The following THSD7B variants were observed in gnomAD, a reference collection of about 807,000 sequenced individuals.
THSD7B encodes the protein thrombospondin type 1 domain containing 7B, also known as thrombospondin type-1 domain-containing protein 7B.
In THSD7B, 138 loss-of-function variants were observed where a neutral mutation model predicts 213.6. That is an observed-to-expected ratio of 0.65 (90% confidence interval 0.56 to 0.74). The LOEUF (loss-of-function observed/expected upper bound fraction) is 0.74. Ranked by LOEUF, THSD7B falls within the 30% of genes least tolerant of loss-of-function variation. The pLI, the probability that THSD7B is intolerant of heterozygous loss-of-function variation, is 0.00. For synonymous variants in THSD7B, 742 were observed against 687.0 expected, an observed-to-expected ratio of 1.08 and a Z score of -1.25; for missense variants, 1,931 against 1,991.5, an observed-to-expected ratio of 0.97 and a Z score of 0.58.
chr2:137,353,688 A>G (rs1371598043), intron 12 of THSD7B, among the ~76,000 whole-genome samples: 2 of 152,112 alleles, frequency 1.3e-5, no homozygotes, highest in African/African-American at 4.8e-5. Context: ...TCAATTTTCT[A>G]GACAAGATCT....
intron 2 of THSD7B, among the ~76,000 whole-genome samples, chr2:136,885,898 C>T (rs1336246750): frequency 6.6e-6 from 1 of 152,048 alleles, no homozygotes; most frequent in African/African-American, 2.4e-5. Context: ...GAGGGATATG[C>T]AGTGGGAGCA....
At chr2:137,618,721 A>G (rs535039544) in intron 19 of THSD7B, among the ~76,000 whole-genome samples, 1 of 152,178 alleles carries the variant, frequency 6.6e-6, no homozygotes, top group African/African-American at 2.4e-5. Flanking sequence ...TAGTGGAGAA[A>G]TGGGTTCATT....
chr2:136,831,557 C>T (rs1682755923), intron 1 of THSD7B, among the ~76,000 whole-genome samples: 1 of 152,120 alleles, frequency 6.6e-6, no homozygotes, highest in Admixed American at 6.5e-5. Context: ...GAGGTATTCT[C>T]CAAAATGCAC....
intron 1 of THSD7B, among the ~76,000 whole-genome samples, chr2:136,878,192 T>C (rs935879858): frequency 2.6e-5 from 4 of 152,214 alleles, no homozygotes; most frequent in African/African-American, 7.2e-5. Flanking sequence ...GTCCTTGCAA[T>C]AGTTTGCTGA....
chr2:137,668,285 C>T (rs1437788399), intron 27 of THSD7B, among the ~76,000 whole-genome samples: 1 of 151,898 alleles, frequency 6.6e-6, no homozygotes, highest in Non-Finnish European at 1.5e-5. Flanking sequence ...AGAAAATTAC[C>T]ATAGATTATT....
At chr2:136,770,015 C>T (rs1681476474) in intron 1 of THSD7B, among the ~76,000 whole-genome samples, 1 of 152,182 alleles carries the variant, frequency 6.6e-6, no homozygotes, top group South Asian at 2.1e-4. Context: ...AATGCCTTGA[C>T]TTGGAAGAAA....
At chr2:137,076,195 C>G (rs1385853270) in intron 3 of THSD7B, among the ~76,000 whole-genome samples, 1 of 152,192 alleles carries the variant, frequency 6.6e-6, no homozygotes, top group Non-Finnish European at 1.5e-5. Flanking sequence ...GTGGAGCCTA[C>G]AGAGGCAGGC....
chr2:137,634,494 A>G (rs750661003), intron 20 of THSD7B, among the ~76,000 whole-genome samples: 1 of 152,200 alleles, frequency 6.6e-6, no homozygotes, highest in East Asian at 1.9e-4. Context: ...TTCTTCGACA[A>G]TCTCTCTATT....
At chr2:137,453,209 G>A (rs1409476556) in intron 15 of THSD7B, among the ~76,000 whole-genome samples, 2 of 151,916 alleles carry the variant, frequency 1.3e-5, no homozygotes, top group African/African-American at 4.8e-5. Context: ...TTGACAATAT[G>A]CGGGGTACAA....
At chr2:137,395,231 G>A (rs1420013999) in intron 12 of THSD7B, among the ~76,000 whole-genome samples, 1 of 144,490 alleles carries the variant, frequency 6.9e-6, no homozygotes. Context: ...GGGCATCCCT[G>A]TCTTTTGCCA....
At chr2:137,368,383 A>G (rs995685455) in intron 12 of THSD7B, among the ~76,000 whole-genome samples, 1 of 151,442 alleles carries the variant, frequency 6.6e-6, no homozygotes, top group African/African-American at 2.4e-5. Flanking sequence ...AGTGTTAATC[A>G]TTATCTTAGG....
chr2:137,303,742 A>ATATATATTTT (rs1558749719), intron 12 of THSD7B, among the ~76,000 whole-genome samples: 11 of 117,568 alleles, frequency 9.4e-5, no homozygotes, highest in East Asian at 2.1e-4. Context: ...ATATATATTT[A>ATATATATTTT]TATATATATA....
intron 2 of THSD7B, among the ~76,000 whole-genome samples, chr2:136,889,835 G>A (rs1439197240): frequency 6.6e-6 from 1 of 152,072 alleles, no homozygotes; most frequent in African/African-American, 2.4e-5. Flanking sequence ...CGATCATCTT[G>A]AATCCCTTGT....
At chr2:137,301,406 A>G (rs1320616029) in intron 12 of THSD7B, among the ~76,000 whole-genome samples, 1 of 152,128 alleles carries the variant, frequency 6.6e-6, no homozygotes, top group Non-Finnish European at 1.5e-5. Context: ...AATAAACAAA[A>G]TTAAACTCTT....
chr2:137,649,048 G>T (rs944465263), intron 21 of THSD7B, among the ~76,000 whole-genome samples: 1 of 152,020 alleles, frequency 6.6e-6, no homozygotes, highest in Non-Finnish European at 1.5e-5. Context: ...TCATATGGCA[G>T]TTGGCTATTT....
chr2:136,920,784 G>A (rs1684423163), intron 2 of THSD7B, among the ~76,000 whole-genome samples: 1 of 152,074 alleles, frequency 6.6e-6, no homozygotes, highest in Non-Finnish European at 1.5e-5. Context: ...AGCTCCCCTG[G>A]CCTGCCTCCT....
At chr2:136,877,665 C>T (rs1003814112) in intron 1 of THSD7B, among the ~76,000 whole-genome samples, 7 of 152,058 alleles carry the variant, frequency 4.6e-5, no homozygotes, top group African/African-American at 1.7e-4. Flanking sequence ...CTACCGTACC[C>T]TTGGAGTGTT....
intron 12 of THSD7B, among the ~76,000 whole-genome samples, chr2:137,293,643 G>A (rs182597511): frequency 2.8e-4 from 42 of 151,752 alleles, no homozygotes; most frequent in African/African-American, 9.2e-4. Flanking sequence ...ATTCTGTATC[G>A]AACAGAATGG....
At chr2:137,327,474 TTC>T (rs764728032) in intron 12 of THSD7B, among the ~76,000 whole-genome samples, 6 of 152,192 alleles carry the variant, frequency 3.9e-5, no homozygotes, top group East Asian at 1.9e-4. Flanking sequence ...CCATTCTCTC[TTC>T]TCTGTTTTCC....
Sources: allele counts gnomAD v4.1 joint callset (sites outside exome capture counted in the v4.1 genomes callset), GRCh38; gene constraint gnomAD v4.1.1; transcripts MANE v1.5; gene names NCBI Gene and HGNC (gene_info 2026-07-23, HGNC 2026-07-21).